VGLL4: variants seen among roughly 807,000 people sequenced by gnomAD.
The protein encoded by VGLL4 is vestigial like family member 4, also known as transcription cofactor vestigial-like protein 4.
In VGLL4, 7 loss-of-function variants were observed where a neutral mutation model predicts 21.0. The ratio of observed to expected loss-of-function variants is 0.33; its 90% CI spans 0.19 to 0.63. VGLL4 has a LOEUF of 0.63. Ranked by LOEUF, VGLL4 falls within the 20% of genes least tolerant of loss-of-function variation. VGLL4 has a pLI of 0.78. For synonymous variants in VGLL4, 222 were observed against 173.2 expected, an observed-to-expected ratio of 1.28 and a Z score of -2.21; for missense variants, 394 against 425.7, an observed-to-expected ratio of 0.93 and a Z score of 0.66.
chr3:11,562,453 T>A lies in VGLL4; in HGVS notation c.495+2344A>T, dbSNP rs377319640. ...GGCTGCAGCATGCGTCCTGCCTGCC[T>A]GTGGACACAGAGCTTTGCTGTCACC... On this transcript the variant is annotated intron_variant, in intron 3 of 4. Transcript: ENST00000430365. 1.4e-4 allele frequency among the ~76,000 whole-genome samples: 22 copies of A among 152,270 alleles called. No homozygotes were observed. The South Asian group carries it at 4.4e-3, about 30-fold the overall frequency.
intron 2 of VGLL4, 152 bp downstream of exon 2, chr3:11,601,681 T>A (rs1035376089): frequency 2.0e-6 from 2 of 1,003,594 alleles, no homozygotes; most frequent in Non-Finnish European, 2.9e-6. Context: ...CTACCTTCTT[T>A]TTGGCAGATG....
intron 2 of VGLL4, among the ~76,000 whole-genome samples, chr3:11,656,366 A>G (rs1029472989): frequency 1.3e-5 from 2 of 152,186 alleles, no homozygotes; most frequent in Non-Finnish European, 2.9e-5. Flanking sequence ...ATGGTGTCCA[A>G]CACAGGGAGG....
At chr3:11,660,148 C>T (rs913974106) in intron 2 of VGLL4, among the ~76,000 whole-genome samples, 4 of 149,030 alleles carry the variant, frequency 2.7e-5, no homozygotes, top group Admixed American at 1.3e-4. Context: ...GGCGACAGAG[C>T]GAGACTCCAT....
chr3:11,651,621 T>C (rs1161907823), intron 2 of VGLL4, among the ~76,000 whole-genome samples: 1 of 152,002 alleles, frequency 6.6e-6, no homozygotes, highest in Non-Finnish European at 1.5e-5. Context: ...TCCCCTACCA[T>C]ATTATAAAGA....
At chr3:11,674,563 T>A (rs1682596119) in intron 2 of VGLL4, among the ~76,000 whole-genome samples, 1 of 152,194 alleles carries the variant, frequency 6.6e-6, no homozygotes, top group Non-Finnish European at 1.5e-5. Context: ...CAGCTTTACA[T>A]GGCAGAGATG....
chr3:11,623,966 T>G lies in VGLL4; in HGVS notation c.82+19471A>C, dbSNP rs140539500. Among the ~76,000 whole-genome samples, 934 of 152,208 alleles carry G rather than the reference T, an allele frequency of 6.1e-3. 13 individuals are homozygous for G. Among genetic ancestry groups the G allele is most frequent in the African/African-American group, 0.022 (907 of 41,520 alleles). On this transcript the variant is annotated intron_variant, in intron 1 of 4. Transcript: ENST00000430365. ...CATGTTGCCCAGGCTGGTCTCGAAC[T>G]CCTGGGCTCAAGTGATCCTCCCACC...
chr3:11,638,260 T>C (rs1401397763), intron 1 of VGLL4, among the ~76,000 whole-genome samples: 2 of 151,760 alleles, frequency 1.3e-5, no homozygotes, highest in East Asian at 1.9e-4. Context: ...ACGCAGACAA[T>C]AGGGAACGGA....
intron 1 of VGLL4, among the ~76,000 whole-genome samples, chr3:11,715,152 AG>A (rs1463478924): frequency 2.6e-5 from 4 of 151,594 alleles, no homozygotes; most frequent in African/African-American, 9.7e-5. Flanking sequence ...AAAAAAAAAA[AG>A]ATGAATTTGC....
At chr3:11,690,667 G>GT in intron 2 of VGLL4, among the ~76,000 whole-genome samples, 2 of 152,232 alleles carry the variant, frequency 1.3e-5, no homozygotes, top group Middle Eastern at 3.4e-3. Flanking sequence ...ACACATATAT[G>GT]TAAGGTTTGA....
chr3:11,703,165 GAA>G, intron 1 of VGLL4: 2 of 855,262 alleles, frequency 2.3e-6, no homozygotes, highest in Non-Finnish European at 3.3e-6. Flanking sequence ...TTCTAAGGAT[GAA>G]ATTCTTCCCA....
At chr3:11,632,247 A>C (rs1410095150) in intron 1 of VGLL4, among the ~76,000 whole-genome samples, 1 of 152,134 alleles carries the variant, frequency 6.6e-6, no homozygotes, top group Non-Finnish European at 1.5e-5. Context: ...CAGGAGGCAG[A>C]GGTTGCAATG....
chr3:11,661,126 T>C (rs2076030897), intron 2 of VGLL4, among the ~76,000 whole-genome samples: 1 of 152,138 alleles, frequency 6.6e-6, no homozygotes, highest in South Asian at 2.1e-4. Flanking sequence ...AGAGAAGAAA[T>C]GCCCTCAGGA....
chr3:11,699,774 T>C (rs531934133), intron 2 of VGLL4: 1 of 152,172 alleles, frequency 6.6e-6, no homozygotes, highest in African/African-American at 2.4e-5. Flanking sequence ...GATCATGCTA[T>C]TGCACTCCAG....
intron 2 of VGLL4, among the ~76,000 whole-genome samples, chr3:11,656,541 C>T (rs751319115): frequency 1.3e-5 from 2 of 152,176 alleles, no homozygotes; most frequent in East Asian, 1.9e-4. Flanking sequence ...AAGCCCTCAA[C>T]GTATCTGTCA....
intron 1 of VGLL4, among the ~76,000 whole-genome samples, chr3:11,627,584 A>G (rs887696848): frequency 8.1e-6 from 1 of 124,124 alleles, no homozygotes; most frequent in African/African-American, 3.3e-5. Flanking sequence ...GACAAGAGTG[A>G]AACTTCATCT....
chr3:11,660,006 T>C (rs1038301999), intron 2 of VGLL4, among the ~76,000 whole-genome samples: 1 of 151,844 alleles, frequency 6.6e-6, no homozygotes, highest in Non-Finnish European at 1.5e-5. Context: ...CTAAAAAATA[T>C]AAAGAATTAG....
intron 2 of VGLL4, among the ~76,000 whole-genome samples, chr3:11,661,764 G>A (rs1022470334): frequency 5.9e-5 from 9 of 152,090 alleles, no homozygotes; most frequent in East Asian, 3.9e-4. Flanking sequence ...GAGCCACTGC[G>A]CCCAGCCTGA....
intron 2 of VGLL4, among the ~76,000 whole-genome samples, chr3:11,570,756 T>C (rs1157823485): frequency 1.3e-5 from 2 of 152,162 alleles, no homozygotes; most frequent in African/African-American, 4.8e-5. Flanking sequence ...TCTTCTCCCT[T>C]TTAGTCCCTT....
At chr3:11,590,077 G>C (rs1459735278) in intron 2 of VGLL4, among the ~76,000 whole-genome samples, 2 of 152,126 alleles carry the variant, frequency 1.3e-5, no homozygotes, top group African/African-American at 4.8e-5. Context: ...GCAGACCTGG[G>C]AGACTGAGTT....
Sources: gnomAD v4.1 joint callset for allele counts (sites outside exome capture counted in the v4.1 genomes callset) on GRCh38, gnomAD v4.1.1 for gene constraint, MANE v1.5 for transcripts, NCBI Gene and HGNC (gene_info 2026-07-23, HGNC 2026-07-21) for gene names.